IGF1R: variants seen among roughly 807,000 people sequenced by gnomAD.
IGF1R encodes the protein insulin like growth factor 1 receptor, also known as insulin-like growth factor 1 receptor.
Under a neutral mutation model 144.6 loss-of-function variants are expected in IGF1R, and 44 were observed. The observed-to-expected ratio is 0.30, with a 90% confidence interval of 0.24 to 0.39. The LOEUF is 0.39. IGF1R is among the 10% of genes least tolerant of loss of function. The pLI, the probability that IGF1R is intolerant of heterozygous loss-of-function variation, is 1.00. For synonymous variants in IGF1R, 795 were observed against 722.8 expected (o/e 1.10, Z -1.60); for missense variants, 1,355 against 1,833.7 (o/e 0.74, Z 4.77).
intron 1 of IGF1R, among the ~76,000 whole-genome samples, chr15:98,681,127 A>G (rs773730904): frequency 1.3e-5 from 2 of 152,174 alleles, no homozygotes; most frequent in African/African-American, 4.8e-5. Context: ...ATTTCTTAGA[A>G]TGCATCCCTG....
chr15:98,809,479 T>C (rs1017712881), intron 2 of IGF1R, among the ~76,000 whole-genome samples: 3 of 152,130 alleles, frequency 2.0e-5, no homozygotes, highest in African/African-American at 7.2e-5. Flanking sequence ...CTCTGGGCAT[T>C]GGGAACATTG....
At position 98,961,332 on chromosome 15, in the gene IGF1R, T is replaced by G; in HGVS notation, c.*3890T>G. 4.3e-6 allele frequency: 1 copy of G among 233,606 alleles called. No individual in the cohort carries two copies. Among genetic ancestry groups the G allele is most frequent in the Non-Finnish European group, 8.5e-6 (1 of 117,970 alleles). The allele number at this position is 233,606 out of a possible 1,614,324, so 14.5% of individuals were successfully genotyped here. ...CTGATGTCATTTTGTTTTTGTTTTA[T>G]GTAGGTAGCTTTTAAGTAGAAAACA... On this transcript the variant is annotated 3_prime_UTR_variant, in exon 21 of 21. Transcript: ENST00000650285.
intron 2 of IGF1R, among the ~76,000 whole-genome samples, chr15:98,811,011 C>A (rs1047369396): frequency 1.3e-5 from 2 of 151,948 alleles, no homozygotes; most frequent in Non-Finnish European, 2.9e-5. Context: ...TTAGAAAATT[C>A]TTTCTCTGGC....
At chr15:98,886,239 T>C (rs1461315475) in intron 2 of IGF1R, among the ~76,000 whole-genome samples, 3 of 152,208 alleles carry the variant, frequency 2.0e-5, no homozygotes, top group South Asian at 2.1e-4. Flanking sequence ...ATTCGAGGAC[T>C]CTGGAGAGGG....
At chr15:98,928,365 C>G (rs2015807113) in intron 13 of IGF1R, among the ~76,000 whole-genome samples, 1 of 152,222 alleles carries the variant, frequency 6.6e-6, no homozygotes, top group Admixed American at 6.5e-5. Flanking sequence ...CCCCAATTCT[C>G]CAAGACATGA....
chr15:98,797,306 CCAGG>C (rs2056267628), intron 2 of IGF1R, among the ~76,000 whole-genome samples: 1 of 152,198 alleles, frequency 6.6e-6, no homozygotes, highest in Admixed American at 6.5e-5. Flanking sequence ...GCTGTGTCTC[CCAGG>C]CAGCTGTGAT....
In IGF1R at chr15:98,649,459, T is replaced by G; in HGVS notation, c.-123T>G. 4.3e-6 allele frequency: 3 copies of G among 697,880 alleles called. No individual in the cohort carries two copies. Among genetic ancestry groups the G allele is most frequent in the Non-Finnish European group, 7.1e-6 (3 of 421,412 alleles). 43.2% of individuals were successfully genotyped at this position (697,880 alleles called of 1,614,324 possible). On this transcript the variant is annotated 5_prime_UTR_variant, in exon 1 of 21. Coordinates refer to ENST00000650285, the MANE Select transcript of IGF1R (RefSeq NM_000875.5). ...AGTATTGTTTCCTTCGCCCTTGTTT[T>G]TGGAGGGGGAGCGAAGACTGAGTTT...
At chr15:98,692,455 C>T (rs550444960) in intron 1 of IGF1R, among the ~76,000 whole-genome samples, 9 of 152,134 alleles carry the variant, frequency 5.9e-5, no homozygotes, top group Non-Finnish European at 1.2e-4. Context: ...CAGTCCTGCT[C>T]CTTTGGCCTC....
intron 2 of IGF1R, among the ~76,000 whole-genome samples, chr15:98,863,833 A>T (rs2012288654): frequency 6.6e-6 from 1 of 152,254 alleles, no homozygotes; most frequent in Non-Finnish European, 1.5e-5. Context: ...TCTGAAGCAC[A>T]GCCCAGATGC....
At chr15:98,808,877 A>G (rs1048883735) in intron 2 of IGF1R, among the ~76,000 whole-genome samples, 1 of 152,084 alleles carries the variant, frequency 6.6e-6, no homozygotes, top group African/African-American at 2.4e-5. Flanking sequence ...TTATAGAGTC[A>G]GAGTCTTACT....
In IGF1R at chr15:98,704,457, T is replaced by C. The variant is rs2053813102; in HGVS notation, c.95-3105T>C. 6.6e-6 allele frequency among the ~76,000 whole-genome samples: 1 copy of C among 151,988 alleles called. No homozygotes were observed. ...GAGGTTGGTGAGTCCCGTGGAGTCTTGTCAGATGGTGTTGGGACAGGGACG... is the reference window on the plus strand; with the variant it reads ...GAGGTTGGTGAGTCCCGTGGAGTCTCGTCAGATGGTGTTGGGACAGGGACG... On this transcript the variant is annotated intron_variant, in intron 1 of 20. Transcript: ENST00000650285. This position sits in a 1 kb window ranked among gnomAD's most constrained non-coding sequence, Gnocchi z 4.9.
intron 13 of IGF1R, among the ~76,000 whole-genome samples, chr15:98,928,563 TATC>T (rs1283029121): frequency 2.6e-5 from 4 of 152,178 alleles, no homozygotes; most frequent in African/African-American, 4.8e-5. Context: ...TTCTCTCCAG[TATC>T]ATCATTTTCT....
intron 2 of IGF1R, among the ~76,000 whole-genome samples, chr15:98,795,842 G>A (rs992075343): frequency 6.6e-6 from 1 of 152,170 alleles, no homozygotes. Flanking sequence ...GATATTTGTG[G>A]GTGGTCCCTT....
chr15:98,788,871 T>G lies in IGF1R; in HGVS notation c.640+80764T>G, dbSNP rs558437583. The stretch of plus-strand genomic sequence containing the variant: ...TCAGCAAAACTGTGTACATTACATT[T>G]TTTTCTTTACCATTTCTCCGTAGTT... On this transcript the variant is annotated intron_variant, in intron 2 of 20. Coordinates refer to ENST00000650285, the MANE Select transcript of IGF1R (RefSeq NM_000875.5). Among the ~76,000 whole-genome samples the G allele has an allele frequency of 3.3e-5, 5 of 152,360 alleles. No homozygotes were observed. In the South Asian group the frequency reaches 1.0e-3, roughly 32 times the overall value.
chr15:98,650,767 C>G, intron 1 of IGF1R: 3 of 400,258 alleles, frequency 7.5e-6, no homozygotes, highest in Non-Finnish European at 1.0e-5. Context: ...TGGTCGGCGT[C>G]GTGTCGCCCT....
chr15:98,946,000 GGAT>G (rs573692963), intron 19 of IGF1R, among the ~76,000 whole-genome samples: 3 of 151,954 alleles, frequency 2.0e-5, no homozygotes, highest in African/African-American at 7.2e-5. Flanking sequence ...GAAGATGCGG[GGAT>G]GATGATGATG....
chr15:98,723,950 T>C (rs983250079), intron 2 of IGF1R, among the ~76,000 whole-genome samples: 3 of 152,340 alleles, frequency 2.0e-5, no homozygotes, highest in African/African-American at 7.2e-5. Flanking sequence ...TCCCAGAATT[T>C]GTATTATGGC....
intron 2 of IGF1R, among the ~76,000 whole-genome samples, chr15:98,748,424 C>T (rs2141328490): frequency 6.6e-6 from 1 of 152,304 alleles, no homozygotes; most frequent in South Asian, 2.1e-4. Flanking sequence ...ATCCTCCTTC[C>T]CCAGCCTCCC....
chr15:98,753,380 CTTTTTTT>C (rs1173073572), intron 2 of IGF1R, among the ~76,000 whole-genome samples: 139 of 60,288 alleles, frequency 2.3e-3, no homozygotes, highest in Admixed American at 4.0e-3. Flanking sequence ...CCATACCTGG[CTTTTTTT>C]TTTTTTTTTT....
Sources: gnomAD v4.1 joint callset for allele counts (sites outside exome capture counted in the v4.1 genomes callset) on GRCh38, gnomAD v4.1.1 for gene constraint, Gnocchi (gnomAD v3.1) non-coding constraint, MANE v1.5 for transcripts, NCBI Gene and HGNC (gene_info 2026-07-23, HGNC 2026-07-21) for gene names.